Variants in VAV3 observed in about 807,000 individuals in gnomAD.
The protein encoded by VAV3 is guanine nucleotide exchange factor VAV3.
A neutral mutation model predicts 131.2 loss-of-function variants in VAV3; 94 were observed. The observed-to-expected ratio is 0.72, with a 90% CI of 0.61 to 0.85. The LOEUF (loss-of-function observed/expected upper bound fraction) is 0.85. VAV3 is among the 40% of genes least tolerant of loss of function. The pLI, the probability that VAV3 is intolerant of heterozygous loss-of-function variation, is 0.00. For missense variants in VAV3, 939 were observed against 1,002.7 expected (o/e 0.94, Z 0.86); for synonymous variants, 349 against 342.0 (o/e 1.02, Z -0.22).
intron 2 of VAV3, among the ~76,000 whole-genome samples, chr1:107,798,608 A>G (rs1256671699): frequency 6.6e-6 from 1 of 150,634 alleles, no homozygotes; most frequent in East Asian, 2.0e-4. Flanking sequence ...AGTCCCAGCT[A>G]CTCAGGAGGC....
At chr1:107,780,469 G>C (rs867733648) in intron 2 of VAV3, among the ~76,000 whole-genome samples, 5 of 152,266 alleles carry the variant, frequency 3.3e-5, no homozygotes, top group Middle Eastern at 3.4e-3. Context: ...CGAAGACTTA[G>C]TGAGAAAGCC....
Position 107,914,091 on chromosome 1 carries a change from G to A in VAV3, c.205-39074C>T, listed in dbSNP as rs1394346494. On this transcript the variant is annotated intron_variant, in intron 1 of 26. Coordinates refer to ENST00000370056, the MANE Select transcript of VAV3 (RefSeq NM_006113.5). ...ATTATTTTTAAGACTTCAGATGGTT[G>A]GTTTTTATATAACTGCAAATGTCTT... Among the ~76,000 whole-genome samples the A allele has an allele frequency of 2.0e-5, 3 of 152,138 alleles. No individual in the cohort carries two copies. In the East Asian group the frequency reaches 5.8e-4, roughly 29 times the overall value.
At chr1:107,590,181 T>C (rs1650833110) in intron 25 of VAV3, among the ~76,000 whole-genome samples, 2 of 152,152 alleles carry the variant, frequency 1.3e-5, no homozygotes, top group Admixed American at 1.3e-4. Flanking sequence ...CTTTGAAGAA[T>C]TGCTACACTA....
At chr1:107,821,776 G>A (rs1454311451) in intron 2 of VAV3, among the ~76,000 whole-genome samples, 1 of 152,248 alleles carries the variant, frequency 6.6e-6, no homozygotes, top group Non-Finnish European at 1.5e-5. Context: ...GCAGGAAAGG[G>A]AGACCTGATT....
At chr1:107,918,449 C>G (rs1008360917) in intron 1 of VAV3, among the ~76,000 whole-genome samples, 17 of 151,952 alleles carry the variant, frequency 1.1e-4, no homozygotes, top group African/African-American at 4.1e-4. Flanking sequence ...AAATGTAAAC[C>G]TGGATTGTTG....
At chr1:107,804,120 T>G (rs1165253199) in intron 2 of VAV3, among the ~76,000 whole-genome samples, 1 of 152,124 alleles carries the variant, frequency 6.6e-6, no homozygotes, top group Non-Finnish European at 1.5e-5. Flanking sequence ...ACTTTCAGCC[T>G]ACATGTGTCT....
intron 17 of VAV3, among the ~76,000 whole-genome samples, chr1:107,695,955 A>G (rs780402346): frequency 3.3e-5 from 5 of 152,136 alleles, no homozygotes; most frequent in Non-Finnish European, 5.9e-5. Context: ...CCATTTGACT[A>G]TCCCTTTCTA....
chr1:107,859,241 T>C (rs1669625394), intron 2 of VAV3, among the ~76,000 whole-genome samples: 1 of 152,110 alleles, frequency 6.6e-6, no homozygotes, highest in Admixed American at 6.6e-5. Context: ...CAGTTCATTA[T>C]TTTATTTTTT....
At chr1:107,820,291 G>A (rs1667741976) in intron 2 of VAV3, among the ~76,000 whole-genome samples, 1 of 152,114 alleles carries the variant, frequency 6.6e-6, no homozygotes, top group African/African-American at 2.4e-5. Context: ...AAAAAATGAT[G>A]AATTCCTGTC....
chr1:107,907,441 T>C (rs185210527), intron 1 of VAV3, among the ~76,000 whole-genome samples: 67 of 152,316 alleles, frequency 4.4e-4, no homozygotes, highest in Admixed American at 2.2e-3. Flanking sequence ...GATATATGTA[T>C]AACTGCTATC....
At chr1:107,666,072 T>C (rs577837172) in intron 19 of VAV3, among the ~76,000 whole-genome samples, 75 of 152,274 alleles carry the variant, frequency 4.9e-4, no homozygotes, top group African/African-American at 1.7e-3. Flanking sequence ...AATAGAGGTT[T>C]TTATGCCAGT....
chr1:107,722,551 C>T (rs1290761239), intron 15 of VAV3, among the ~76,000 whole-genome samples: 2 of 152,118 alleles, frequency 1.3e-5, no homozygotes, highest in Non-Finnish European at 2.9e-5. Flanking sequence ...AACAAATGGA[C>T]TTATTTCAAA....
intron 1 of VAV3, among the ~76,000 whole-genome samples, chr1:107,884,052 C>T (rs1670908884): frequency 6.6e-6 from 1 of 151,876 alleles, no homozygotes; most frequent in Non-Finnish European, 1.5e-5. Context: ...GTGCATGTCG[C>T]TGCCTTTGGT....
intron 19 of VAV3, among the ~76,000 whole-genome samples, chr1:107,645,635 C>CA (rs1013761116): frequency 6.6e-6 from 1 of 151,934 alleles, no homozygotes; most frequent in African/African-American, 2.4e-5. Flanking sequence ...AACTGGAAGA[C>CA]AAAAAATTGC....
intron 24 of VAV3, among the ~76,000 whole-genome samples, chr1:107,600,312 G>A (rs1651745121): frequency 6.6e-6 from 1 of 151,480 alleles, no homozygotes; most frequent in Non-Finnish European, 1.5e-5. Context: ...CTTGATAAAA[G>A]CACTTTTCTG....
chr1:107,592,614 C>T (rs1239606388), intron 25 of VAV3, among the ~76,000 whole-genome samples: 1 of 152,062 alleles, frequency 6.6e-6, no homozygotes, highest in African/African-American at 2.4e-5. Context: ...ATGCACCAAT[C>T]TGTTAACATT....
chr1:107,580,547 T>C lies in VAV3; in HGVS notation c.2351-6349A>G, dbSNP rs58186016. ...TCAGTTTCTCCTGCCACCCAGTGTA[T>C]AGCTCTCAGCCAAACATTTTAAGGA... On this transcript the variant is annotated intron_variant, in intron 25 of 26. Coordinates refer to ENST00000370056, the MANE Select transcript of VAV3 (RefSeq NM_006113.5). Among the ~76,000 whole-genome samples, 746 of 152,286 alleles carry C rather than the reference T, an allele frequency of 4.9e-3. 5 individuals are homozygous for C. The highest frequency in any genetic ancestry group is 0.017 in the African/African-American group (722 of 41,554).
chr1:107,866,602 A>G (rs1454082207), intron 2 of VAV3, among the ~76,000 whole-genome samples: 1 of 151,814 alleles, frequency 6.6e-6, no homozygotes, highest in Non-Finnish European at 1.5e-5. Flanking sequence ...GGATCACCTG[A>G]GGTCAGGAGT....
chr1:107,888,171 C>A (rs952321386), intron 1 of VAV3, among the ~76,000 whole-genome samples: 5 of 152,200 alleles, frequency 3.3e-5, no homozygotes, highest in African/African-American at 1.2e-4. Context: ...ATTAACCCCA[C>A]ACTGTGATAT....
Sources: gnomAD v4.1 joint callset for allele counts (sites outside exome capture counted in the v4.1 genomes callset) on GRCh38, gnomAD v4.1.1 for gene constraint, MANE v1.5 for transcripts, NCBI Gene and HGNC (gene_info 2026-07-23, HGNC 2026-07-21) for gene names.